CMTM4: variants seen among roughly 807,000 people sequenced by gnomAD.
CMTM4 encodes CKLF-like MARVEL transmembrane domain-containing protein 4.
In CMTM4, 8 loss-of-function variants were observed where a neutral mutation model predicts 19.0. That is an observed-to-expected ratio of 0.42 (90% CI 0.25 to 0.76). The LOEUF is 0.76. Among genes scored for constraint, CMTM4 ranks in the 30% least tolerant of loss-of-function variants. The pLI is 0.27. For synonymous variants in CMTM4, 106 were observed against 121.1 expected (o/e 0.88, Z 0.82); for missense variants, 228 against 290.2 (o/e 0.79, Z 1.56).
chr16:66,632,151 G>T (rs1427303953), intron 2 of CMTM4, among the ~76,000 whole-genome samples: 3 of 152,128 alleles, frequency 2.0e-5, no homozygotes, highest in Non-Finnish European at 4.4e-5. Context: ...ACAGTGTGGG[G>T]GCCCAGGATG....
Position 66,696,676 on chromosome 16 carries a change from G to T in CMTM4, c.-151C>A. 1 of 243,248 alleles carries T rather than the reference G, an allele frequency of 4.1e-6. No individual in the cohort carries two copies. Among genetic ancestry groups the T allele is most frequent in the African/African-American group, 2.3e-5 (1 of 42,724 alleles). 15.1% of individuals were successfully genotyped at this position (243,248 alleles called of 1,614,324 possible). A position where few individuals can be genotyped will look rare whatever the true frequency, so the allele number is the denominator to read the frequency against. ...CGCCCGCCGCCGCCGCCTCTCGCCCGCCGCCCGGCTGCGGCTGCGGCTCGG... is the reference window on the plus strand; with the variant it reads ...CGCCCGCCGCCGCCGCCTCTCGCCCTCCGCCCGGCTGCGGCTGCGGCTCGG... On this transcript the variant is annotated 5_prime_UTR_variant, in exon 1 of 4. Coordinates refer to ENST00000394106, the MANE Select transcript of CMTM4 (RefSeq NM_181521.3). This position sits in a 1 kb window ranked among gnomAD's most constrained non-coding sequence, Gnocchi z 4.3.
In CMTM4 at chr16:66,621,374, C is replaced by G; in HGVS notation, c.*684G>C. The G allele has an allele frequency of 1.0e-6, 1 of 985,840 alleles. No homozygotes were observed. 61.1% of individuals were successfully genotyped at this position (985,840 alleles called of 1,614,324 possible). A position where few individuals can be genotyped will look rare whatever the true frequency, so the allele number is the denominator to read the frequency against. Reference sequence around the variant, plus strand: ...CTGGAAAACAAGATAGTCCCCATAACAAGATGGCCCCCATATTCCTGGAGA... The same window carrying G: ...CTGGAAAACAAGATAGTCCCCATAAGAAGATGGCCCCCATATTCCTGGAGA... On this transcript the variant is annotated 3_prime_UTR_variant, in exon 4 of 4. Transcript: ENST00000394106.
At chr16:66,686,125 C>T (rs955681105) in intron 1 of CMTM4, among the ~76,000 whole-genome samples, 2 of 151,978 alleles carry the variant, frequency 1.3e-5, no homozygotes. Context: ...TGGTGGCACG[C>T]GCCTGTAGTC....
At chr16:66,654,860 A>G (rs1372954783) in intron 1 of CMTM4, among the ~76,000 whole-genome samples, 1 of 152,248 alleles carries the variant, frequency 6.6e-6, no homozygotes, top group East Asian at 1.9e-4. Flanking sequence ...GTATTCAGCT[A>G]AATGGCAGCC....
intron 2 of CMTM4, among the ~76,000 whole-genome samples, chr16:66,628,183 T>C (rs767089865): frequency 1.3e-4 from 20 of 152,204 alleles, no homozygotes; most frequent in Non-Finnish European, 2.8e-4. Flanking sequence ...ATTGAACAAA[T>C]GTACAATCAG....
At chr16:66,688,944 T>C (rs2017086953) in intron 1 of CMTM4, among the ~76,000 whole-genome samples, 1 of 152,190 alleles carries the variant, frequency 6.6e-6, no homozygotes, top group South Asian at 2.1e-4. Flanking sequence ...TTTCCAATGA[T>C]TTATTGCTAG....
chr16:66,647,310 C>A (rs1184885383), intron 1 of CMTM4, among the ~76,000 whole-genome samples: 1 of 132,298 alleles, frequency 7.6e-6, no homozygotes, highest in Admixed American at 8.5e-5. Flanking sequence ...GGCAACAGTG[C>A]GAGACTCTGT....
At chr16:66,636,633 G>A (rs1013667910) in intron 1 of CMTM4, 52 bp from the exon 2 acceptor site, 3 of 1,417,236 alleles carry the variant, frequency 2.1e-6, no homozygotes, top group Non-Finnish European at 3.0e-6. Flanking sequence ...GTATACATCT[G>A]CGGACATACG....
intron 2 of CMTM4, among the ~76,000 whole-genome samples, chr16:66,627,346 A>G (rs1019697482): frequency 6.6e-6 from 1 of 152,256 alleles, no homozygotes; most frequent in Admixed American, 6.5e-5. Flanking sequence ...GCATACGCAA[A>G]AGACTGTCTA....
chr16:66,643,011 C>T (rs2016125491), intron 1 of CMTM4, among the ~76,000 whole-genome samples: 1 of 152,138 alleles, frequency 6.6e-6, no homozygotes, highest in Non-Finnish European at 1.5e-5. Flanking sequence ...ACCTCTGCTT[C>T]CCGGGTTCAA....
chr16:66,695,569 G>C (rs2017218564), intron 1 of CMTM4, among the ~76,000 whole-genome samples: 2 of 152,118 alleles, frequency 1.3e-5, no homozygotes, highest in South Asian at 2.1e-4. Flanking sequence ...CCCCTGCCCA[G>C]AACACCCTGG....
chr16:66,672,422 A>G (rs1480538302), intron 1 of CMTM4, among the ~76,000 whole-genome samples: 1 of 150,938 alleles, frequency 6.6e-6, no homozygotes, highest in African/African-American at 2.4e-5. Context: ...ACGTCTCAAA[A>G]AAAAAAAAAA....
intron 2 of CMTM4, among the ~76,000 whole-genome samples, chr16:66,628,147 T>C (rs113548888): frequency 0.025 from 3,799 of 152,332 alleles, 163 homozygotes; most frequent in African/African-American, 0.088. Flanking sequence ...CCTCCCGCCA[T>C]AGGGCGGTTT....
intron 2 of CMTM4, among the ~76,000 whole-genome samples, chr16:66,628,152 C>T (rs1407565830): frequency 1.3e-5 from 2 of 152,210 alleles, no homozygotes; most frequent in East Asian, 1.9e-4. Flanking sequence ...CGCCATAGGG[C>T]GGTTTTTCTC....
At chr16:66,680,735 C>G (rs1057264556) in intron 1 of CMTM4, among the ~76,000 whole-genome samples, 93 of 136,052 alleles carry the variant, frequency 6.8e-4, no homozygotes, top group Non-Finnish European at 9.0e-4. Flanking sequence ...GATCGTGCCA[C>G]TGCACTCCAG....
At chr16:66,688,325 G>A (rs995882885) in intron 1 of CMTM4, among the ~76,000 whole-genome samples, 14 of 152,158 alleles carry the variant, frequency 9.2e-5, no homozygotes, top group African/African-American at 3.4e-4. Context: ...AGGCTTTGAT[G>A]ACGTGGTGTC....
In CMTM4 at chr16:66,690,053, AATTT is replaced by A. The variant is rs1382274271; in HGVS notation, c.186+6283_186+6286del. 3.3e-4 allele frequency among the ~76,000 whole-genome samples: 50 copies of A among 152,294 alleles called. 1 individual carries two copies. Among genetic ancestry groups the A allele is most frequent in the African/African-American group, 1.2e-3 (49 of 41,566 alleles). On this transcript the variant is annotated intron_variant, in intron 1 of 3. Coordinates refer to ENST00000394106, the MANE Select transcript of CMTM4 (RefSeq NM_181521.3). The stretch of plus-strand genomic sequence containing the variant: ...AATTATAACTTTGCTTTTCTGCCAG[AATTT>A]ATTTGACTCCAAGTCCTTGATCAGG...
chr16:66,612,669 A>G (rs745992939), downstream of CMTM4: 22 of 1,611,542 alleles, frequency 1.4e-5, no homozygotes, highest in Non-Finnish European at 1.7e-5. The surrounding 1 kb of genome is among the most constrained non-coding windows in gnomAD (Gnocchi z 6.0). Flanking sequence ...AACCTGAGCC[A>G]CACAGGCCTC....
chr16:66,652,046 CAGAGATGG>C (rs1491000550), intron 1 of CMTM4, among the ~76,000 whole-genome samples: 300 of 152,298 alleles, frequency 2.0e-3, no homozygotes, highest in African/African-American at 6.6e-3. Flanking sequence ...TCTGGAAGGG[CAGAGATGG>C]CCCTCAGGAG....
Sources: gnomAD v4.1 joint callset for allele counts (sites outside exome capture counted in the v4.1 genomes callset) on GRCh38, gnomAD v4.1.1 for gene constraint, Gnocchi (gnomAD v3.1) non-coding constraint, MANE v1.5 for transcripts, NCBI Gene and HGNC (gene_info 2026-07-23, HGNC 2026-07-21) for gene names.